The following RGS6 variants were observed in gnomAD, a reference collection of about 807,000 sequenced individuals.
RGS6 encodes the protein regulator of G-protein signaling 6.
RGS6 carries 30 observed loss-of-function variants against 78.5 expected under a neutral mutation model. The observed-to-expected ratio is 0.38, with a 90% confidence interval of 0.29 to 0.52. RGS6 has a LOEUF of 0.52. Ranked by LOEUF, RGS6 falls within the 20% of genes least tolerant of loss-of-function variation. The pLI, the probability that RGS6 is intolerant of heterozygous loss-of-function variation, is 0.85. For missense variants in RGS6, 495 were observed against 609.7 expected (o/e 0.81, Z 1.98); for synonymous variants, 206 against 206.0 (o/e 1.00, Z 0.00).
intron 2 of RGS6, among the ~76,000 whole-genome samples, chr14:72,207,843 G>A (rs1411877424): frequency 2.6e-5 from 4 of 152,268 alleles, no homozygotes; most frequent in South Asian, 4.2e-4. Flanking sequence ...AGCTGTCCAC[G>A]CTTCAGGCTT....
At position 72,030,330 on chromosome 14, in the gene RGS6, A is replaced by T. The variant is rs1286275196; in HGVS notation, c.84+65455A>T. Among the ~76,000 whole-genome samples, 4 of 152,220 alleles carry T rather than the reference A, an allele frequency of 2.6e-5. No individual in the cohort carries two copies. The South Asian group carries it at 6.2e-4, about 24-fold the overall frequency. On this transcript the variant is annotated intron_variant, in intron 2 of 17. Coordinates refer to ENST00000553525, the MANE Select transcript of RGS6 (RefSeq NM_001204424.2). The stretch of plus-strand genomic sequence containing the variant: ...TAAATGATGCAATTAAAAGATAAAG[A>T]CATGGATGAAAAAACTTTTCAGGAG...
chr14:71,926,784 C>T, the RGS6 span, among the ~76,000 whole-genome samples: 71 of 152,184 alleles, frequency 4.7e-4, no homozygotes, highest in Admixed American at 1.6e-3. Context: ...TTAGTGTCCT[C>T]AGCTTTTTGG....
At chr14:72,100,867 A>C (rs2095514339) in intron 2 of RGS6, among the ~76,000 whole-genome samples, 1 of 152,216 alleles carries the variant, frequency 6.6e-6, no homozygotes, top group African/African-American at 2.4e-5. Flanking sequence ...ACATTTAAAA[A>C]TGTATGTTCG....
intron 3 of RGS6, among the ~76,000 whole-genome samples, chr14:72,375,599 A>G (rs2084496918): frequency 6.6e-6 from 1 of 152,132 alleles, no homozygotes; most frequent in Non-Finnish European, 1.5e-5. Context: ...TGTGGTCCCA[A>G]CCCCAGTGAG....
intron 2 of RGS6, among the ~76,000 whole-genome samples, chr14:72,268,833 CATT>C (rs2059473629): frequency 6.6e-6 from 1 of 152,212 alleles, no homozygotes; most frequent in Non-Finnish European, 1.5e-5. Flanking sequence ...CCACCTGACA[CATT>C]ATCCTGGTTG....
chr14:72,400,275 A>G (rs1324882146), intron 3 of RGS6, among the ~76,000 whole-genome samples: 3 of 152,210 alleles, frequency 2.0e-5, no homozygotes, highest in South Asian at 2.1e-4. Flanking sequence ...CTGATTTTTT[A>G]CAGATGCCTT....
intron 13 of RGS6, among the ~76,000 whole-genome samples, chr14:72,498,256 A>G (rs1258470842): frequency 2.0e-5 from 3 of 151,980 alleles, no homozygotes; most frequent in South Asian, 2.1e-4. Context: ...TATTTTTTCC[A>G]TATTTTCATA....
chr14:71,925,712 CATATT>C, the RGS6 span, among the ~76,000 whole-genome samples: 33 of 96,258 alleles, frequency 3.4e-4, no homozygotes, highest in Non-Finnish European at 4.3e-4. Context: ...TAGATGACTT[CATATT>C]ATATTATATT....
chr14:72,199,151 C>T (rs187089731), intron 2 of RGS6, among the ~76,000 whole-genome samples: 1 of 152,156 alleles, frequency 6.6e-6, no homozygotes, highest in Non-Finnish European at 1.5e-5. Flanking sequence ...TGTGTATACA[C>T]AAAGTGAAGG....
intron 2 of RGS6, among the ~76,000 whole-genome samples, chr14:72,335,380 T>C (rs946833997): frequency 6.6e-6 from 1 of 152,032 alleles, no homozygotes; most frequent in African/African-American, 2.4e-5. Context: ...CTGATGAGAG[T>C]TAGTTCCTTT....
At chr14:72,462,246 G>A (rs1479208654) in intron 6 of RGS6, among the ~76,000 whole-genome samples, 2 of 152,182 alleles carry the variant, frequency 1.3e-5, no homozygotes, top group African/African-American at 4.8e-5. Context: ...GAAAGGCATG[G>A]TGAGGATCTG....
At chr14:72,628,423 G>T in the RGS6 span, among the ~76,000 whole-genome samples, 2 of 151,994 alleles carry the variant, frequency 1.3e-5, no homozygotes, top group Non-Finnish European at 2.9e-5. Context: ...GTAACCAAAT[G>T]AAAGATTGGG....
chr14:72,623,039 A>G, the RGS6 span, among the ~76,000 whole-genome samples: 1 of 152,242 alleles, frequency 6.6e-6, no homozygotes, highest in African/African-American at 2.4e-5. Context: ...ATTAATCTCT[A>G]AGATATTCAG....
chr14:72,031,032 CA>C (rs1336066867), intron 2 of RGS6, among the ~76,000 whole-genome samples: 2 of 150,126 alleles, frequency 1.3e-5, no homozygotes, highest in African/African-American at 4.9e-5. Flanking sequence ...ACACAGGATG[CA>C]AGACTCTTAG....
intron 5 of RGS6, among the ~76,000 whole-genome samples, chr14:72,459,339 C>G (rs902283633): frequency 2.7e-4 from 41 of 152,174 alleles, no homozygotes; most frequent in African/African-American, 9.4e-4. Flanking sequence ...TAAGTTATGC[C>G]AGCCTGACTT....
chr14:72,186,189 C>T (rs112670368), intron 2 of RGS6, among the ~76,000 whole-genome samples: 3,142 of 152,352 alleles, frequency 0.021, 132 homozygotes, highest in African/African-American at 0.072. Flanking sequence ...CAGATTTTAT[C>T]AGCTGATCCC....
chr14:72,296,552 A>T (rs1015470202), intron 2 of RGS6, among the ~76,000 whole-genome samples: 2 of 152,140 alleles, frequency 1.3e-5, no homozygotes, highest in African/African-American at 4.8e-5. Flanking sequence ...ATGTAGTTTT[A>T]ATTTGCATTT....
At chr14:71,986,439 C>CA (rs2094713784) in intron 2 of RGS6, among the ~76,000 whole-genome samples, 1 of 152,126 alleles carries the variant, frequency 6.6e-6, no homozygotes, top group South Asian at 2.1e-4. Context: ...CACAGTGGTG[C>CA]ATGCCTGTAA....
chr14:71,889,729 C>G, the RGS6 span, among the ~76,000 whole-genome samples: 1 of 152,144 alleles, frequency 6.6e-6, no homozygotes. Flanking sequence ...CCCACAAAAT[C>G]TTAGGTTGTA....
Sources: gnomAD v4.1 joint callset for allele counts (sites outside exome capture counted in the v4.1 genomes callset) on GRCh38, gnomAD v4.1.1 for gene constraint, MANE v1.5 for transcripts, NCBI Gene and HGNC (gene_info 2026-07-23, HGNC 2026-07-21) for gene names.